The following CABLES2 variants were observed in gnomAD, a reference collection of about 807,000 sequenced individuals.
CABLES2 encodes Cdk5 and Abl enzyme substrate 2, also known as CDK5 and ABL1 enzyme substrate 2.
CABLES2 carries 35 observed loss-of-function variants against 44.8 expected under a neutral mutation model. The observed-to-expected ratio is 0.78, with a 90% CI of 0.60 to 1.04. CABLES2 has a LOEUF of 1.04. Among genes scored for constraint, CABLES2 ranks in the 50% least tolerant of loss-of-function variants. The pLI is 0.00. For missense variants in CABLES2, 566 were observed against 615.7 expected (o/e 0.92, Z 0.85); for synonymous variants, 282 against 281.1 (o/e 1.00, Z -0.03).
At chr20:62,398,330 A>ACGGTGGTGG (rs1569018077) in intron 1 of CABLES2, among the ~76,000 whole-genome samples, 45 of 121,490 alleles carry the variant, frequency 3.7e-4, no homozygotes, top group African/African-American at 1.5e-3. Context: ...AGTGGTGGTG[A>ACGGTGGTGG]CGATGGTGGT....
intron 1 of CABLES2, among the ~76,000 whole-genome samples, chr20:62,400,671 G>C (rs2427318): frequency 6.6e-6 from 1 of 151,524 alleles, no homozygotes; most frequent in Non-Finnish European, 1.5e-5. Flanking sequence ...TTGGAGGCCC[G>C]TGGGGGTCCC....
chr20:62,392,970 G>A lies in CABLES2; in HGVS notation c.934C>T (p.Gln312Ter). 2 of 1,614,082 alleles carry A rather than the reference G, an allele frequency of 1.2e-6. No individual in the cohort carries two copies. Among genetic ancestry groups the A allele is most frequent in the South Asian group, 2.2e-5 (2 of 91,090 alleles). ...EYNPNLLDDP[Q>*]WPCGKHKRVL... ...CGTTTGTGCTTGCCGCAGGGCCACT[G>A]CGGGTCATCCAGGAGGTTGGGGTTG... Residue 312 changes from glutamine to a stop codon, truncating the protein, a stop_gained, in exon 7 of 10, where the codon CAG (glutamine) becomes TAG (stop). Coordinates refer to ENST00000279101, the MANE Select transcript of CABLES2 (RefSeq NM_031215.3). LOFTEE classifies it high-confidence loss of function.
At chr20:62,395,482 A>G (rs2146421028) in intron 3 of CABLES2, among the ~76,000 whole-genome samples, 3 of 152,342 alleles carry the variant, frequency 2.0e-5, no homozygotes, top group Admixed American at 2.0e-4. Flanking sequence ...ATCCAGGTCC[A>G]CAGAGAGGCT....
rs758985691 is a variant in CABLES2 at position 62,406,980 on chromosome 20, C to A, written c.297G>T (p.Ala99=). ...GCGTGGGGCTGAGCAGGCCCTGGGG[C>A]GCGGGGGTCCTGGCGGGCAGCCCGG... ...PPTGLPARTP[A]PQGLLSPTQV... Residue 99 remains alanine (A), a synonymous_variant, in exon 1 of 10, where the codon GCG becomes GCT. Coordinates refer to ENST00000279101, the MANE Select transcript of CABLES2 (RefSeq NM_031215.3). 18 of 1,204,966 alleles carry A rather than the reference C, an allele frequency of 1.5e-5. No individual in the cohort carries two copies. Among genetic ancestry groups the A allele is most frequent in the Admixed American group, 4.4e-5 (1 of 22,742 alleles). 74.6% of individuals were successfully genotyped at this position (1,204,966 alleles called of 1,614,324 possible).
rs1325237032 is a variant in CABLES2, at chr20:62,396,169, G to A, written c.527+146C>T. On this transcript the variant is annotated intron_variant, in intron 3 of 9. Coordinates refer to ENST00000279101, the MANE Select transcript of CABLES2 (RefSeq NM_031215.3). The surrounding 1 kb of genome is among the most constrained non-coding windows in gnomAD (Gnocchi z 5.7). ...TGATGTGGAGCAAGCAGTGTGGTGG[G>A]GAGGAGGGCCCACCTCTAGAGGTGT... 1.3e-5 allele frequency: 9 copies of A among 705,538 alleles called. No homozygotes were observed. The highest frequency in any genetic ancestry group is 9.9e-5 in the East Asian group (4 of 40,482). The allele number at this position is 705,538 out of a possible 1,614,324, so 43.7% of individuals were successfully genotyped here. A position where few individuals can be genotyped will look rare whatever the true frequency, so the allele number is the denominator to read the frequency against.
At chr20:62,394,099 C>T in intron 5 of CABLES2, 58 bp downstream of exon 5, 1 of 1,397,858 alleles carries the variant, frequency 7.2e-7, no homozygotes, top group Non-Finnish European at 1.0e-6. Flanking sequence ...TGGGACTGCT[C>T]CCACCCGCCT....
At chr20:62,397,923 A>ATCG (rs1988051930) in intron 1 of CABLES2, among the ~76,000 whole-genome samples, 3 of 85,734 alleles carry the variant, frequency 3.5e-5, no homozygotes, top group Non-Finnish European at 7.3e-5. Flanking sequence ...GGCAGTGGTG[A>ATCG]TGGTGGTGGT....
At chr20:62,405,855 A>G (rs1429696538) in intron 1 of CABLES2, 1 of 152,392 alleles carries the variant, frequency 6.6e-6, no homozygotes, top group African/African-American at 2.4e-5. Context: ...CGCAACAAGC[A>G]GCCAGTCCTG....
intron 1 of CABLES2, among the ~76,000 whole-genome samples, chr20:62,406,469 A>G (rs534565856): frequency 6.6e-6 from 1 of 152,146 alleles, no homozygotes; most frequent in Admixed American, 6.5e-5. Context: ...AGCACTGACA[A>G]CGTGGAGATC....
In CABLES2 at chr20:62,391,446, G is replaced by A. The variant is rs746957337; in HGVS notation, c.1099C>T (p.Arg367Trp). Residue 367 changes from arginine (R) to tryptophan (W), a missense_variant, in exon 9 of 10, where the codon CGG (arginine) becomes TGG (tryptophan). Around this residue, in one of 2 missense-constraint regions of CABLES2, gnomAD observed 436 missense variants for 536.3 expected, o/e 0.81. Coordinates refer to ENST00000279101, the MANE Select transcript of CABLES2 (RefSeq NM_031215.3). This position sits in a 1 kb window ranked among gnomAD's most constrained non-coding sequence, Gnocchi z 5.7. The stretch of plus-strand genomic sequence containing the variant: ...TCCTCCGACAGGCTCCGCATCTCCC[G>A]CTTTAAGCTGTGGGTTAAGACAGAA... ...LTLSKIRSLK[R>W]EMRSLSEECS... 9.9e-6 allele frequency: 16 copies of A among 1,612,906 alleles called. No individual in the cohort carries two copies. The highest frequency in any genetic ancestry group is 9.3e-6 in the Non-Finnish European group (11 of 1,179,980).
chr20:62,391,124 A>G lies in CABLES2; in HGVS notation c.1297-13T>C, dbSNP rs1357234886. 12 of 1,613,814 alleles carry G rather than the reference A, an allele frequency of 7.4e-6. No homozygotes were observed. The African/African-American group carries it at 1.6e-4, about 22-fold the overall frequency. ...TTTCTTCTAACTTCTGCAGGGGAGAAGAGAGAAGGGTTACACGGGAGCCTT... is the reference window on the plus strand; with the variant it reads ...TTTCTTCTAACTTCTGCAGGGGAGAGGAGAGAAGGGTTACACGGGAGCCTT... On this transcript the variant is annotated splice_polypyrimidine_tract_variant and intron_variant, in intron 9 of 9. Coordinates refer to ENST00000279101, the MANE Select transcript of CABLES2 (RefSeq NM_031215.3). This position sits in a 1 kb window ranked among gnomAD's most constrained non-coding sequence, Gnocchi z 5.7.
At chr20:62,400,736 G>A (rs1048735407) in intron 1 of CABLES2, among the ~76,000 whole-genome samples, 23 of 152,126 alleles carry the variant, frequency 1.5e-4, no homozygotes, top group African/African-American at 5.1e-4. Flanking sequence ...TGGATCCTCT[G>A]GCCCAGGACG....
chr20:62,392,883 A>G, intron 7 of CABLES2, 37 bp downstream of exon 7: 1 of 1,571,848 alleles, frequency 6.4e-7, no homozygotes, highest in Non-Finnish European at 8.8e-7. Context: ...ACAGGTGTGC[A>G]GCTGCCTGCA....
At chr20:62,404,827 GACTGCAGGCACCCAGCCCATGCCACGTCC>G (rs1988251343) in intron 1 of CABLES2, 1 of 152,296 alleles carries the variant, frequency 6.6e-6, no homozygotes, top group Non-Finnish European at 1.5e-5. Context: ...ACGGCAGGAG[GACTGCAGGCACCCAGCCCATGCCACGTCC>G]CATCCTGTCC....
chr20:62,398,079 G>GTGA (rs1456831045), intron 1 of CABLES2, among the ~76,000 whole-genome samples: 6 of 136,754 alleles, frequency 4.4e-5, no homozygotes, highest in Admixed American at 7.4e-5. Context: ...GACGGTGGTG[G>GTGA]TGGTGGTGAC....
intron 1 of CABLES2, chr20:62,404,772 C>T: frequency 6.6e-6 from 1 of 152,640 alleles, no homozygotes; most frequent in Non-Finnish European, 1.5e-5. Context: ...GAGGAGACAG[C>T]CCTGGGCAAG....
intron 1 of CABLES2, among the ~76,000 whole-genome samples, chr20:62,398,095 T>TGGTGGTGGTGGTGATGGC (rs1569017579): frequency 1.4e-4 from 19 of 136,552 alleles, no homozygotes; most frequent in East Asian, 1.1e-3. Flanking sequence ...GTGACGGTGG[T>TGGTGGTGGTGGTGATGGC]GGTGGTGGTG....
intron 1 of CABLES2, among the ~76,000 whole-genome samples, chr20:62,401,865 C>T (rs968408525): frequency 6.6e-6 from 1 of 152,226 alleles, no homozygotes; most frequent in Non-Finnish European, 1.5e-5. Context: ...GTGCTTCACT[C>T]ATCCTGCGTG....
At chr20:62,395,037 G>A (rs752680200) in intron 3 of CABLES2, 23 bp from the exon 4 acceptor site, 3 of 1,601,072 alleles carry the variant, frequency 1.9e-6, no homozygotes, top group East Asian at 2.2e-5. Context: ...GGAGTCAGGG[G>A]AGACGGGGCC....
Sources: allele counts gnomAD v4.1 joint callset (sites outside exome capture counted in the v4.1 genomes callset), GRCh38; gene constraint gnomAD v4.1.1; regional missense constraint gnomAD v4.1.1; non-coding constraint Gnocchi (gnomAD v3.1); transcripts MANE v1.5; gene names NCBI Gene and HGNC (gene_info 2026-07-23, HGNC 2026-07-21).